KAT6B: variants seen among roughly 807,000 people sequenced by gnomAD.
KAT6B encodes lysine acetyltransferase 6B.
KAT6B carries 10 observed loss-of-function variants against 187.5 expected under a neutral mutation model. The ratio of observed to expected loss-of-function variants is 0.05; its 90% CI spans 0.03 to 0.09. The LOEUF (loss-of-function observed/expected upper bound fraction) is 0.09, where lower values mean the gene tolerates loss of function less well. Among genes scored for constraint, KAT6B ranks in the 10% least tolerant of loss-of-function variants. The pLI is 1.00. For missense variants in KAT6B, 1,952 were observed against 2,558.9 expected, an observed-to-expected ratio of 0.76 and a Z score of 5.12; for synonymous variants, 861 against 926.8, an observed-to-expected ratio of 0.93 and a Z score of 1.29.
At chr10:75,024,586 A>G (rs2134193114) in intron 16 of KAT6B, among the ~76,000 whole-genome samples, 1 of 152,374 alleles carries the variant, frequency 6.6e-6, no homozygotes, top group East Asian at 1.9e-4. Flanking sequence ...CACCATTTAT[A>G]AAGACATTAG....
chr10:74,882,211 C>G (rs1016333100), intron 3 of KAT6B, among the ~76,000 whole-genome samples: 2 of 152,188 alleles, frequency 1.3e-5, no homozygotes, highest in African/African-American at 4.8e-5. Context: ...ACCAGAGATT[C>G]CTCTTATTCT....
At position 75,029,528 on chromosome 10, in the gene KAT6B, C is replaced by G; in HGVS notation, c.4704C>G (p.Ala1568=). Residue 1568 remains alanine (A), a synonymous_variant, in exon 18 of 18, where the codon GCC becomes GCG. Coordinates refer to ENST00000287239, the MANE Select transcript of KAT6B (RefSeq NM_012330.4). The surrounding 1 kb of genome is among the most constrained non-coding windows in gnomAD (Gnocchi z 6.2). ...TFQDCAETQE[A]CRSLQNYTRA... The stretch of plus-strand genomic sequence containing the variant: ...AGGATTGTGCCGAGACTCAAGAGGC[C>G]TGTAGAAGCCTACAGAACTACACCC... 3 of 1,614,130 alleles carry G rather than the reference C, an allele frequency of 1.9e-6. No homozygotes were observed. Among genetic ancestry groups the G allele is most frequent in the Non-Finnish European group, 2.5e-6 (3 of 1,180,026 alleles).
chr10:75,010,331 A>T (rs1017145145), intron 13 of KAT6B, among the ~76,000 whole-genome samples: 4 of 152,256 alleles, frequency 2.6e-5, no homozygotes, highest in African/African-American at 7.2e-5. Context: ...GATCAGTCAG[A>T]TTAGGTGATG....
intron 17 of KAT6B, among the ~76,000 whole-genome samples, chr10:75,026,452 C>G (rs552231128): frequency 1.3e-4 from 20 of 152,184 alleles, no homozygotes; most frequent in Non-Finnish European, 2.6e-4. Flanking sequence ...CAGGCCATCT[C>G]ATTTCCCTGG....
chr10:74,884,957 A>G (rs1053040569), intron 3 of KAT6B, among the ~76,000 whole-genome samples: 1 of 152,134 alleles, frequency 6.6e-6, no homozygotes. Context: ...GCACCATCCA[A>G]TATGGTCTGG....
chr10:74,826,507 G>C (rs1414708358), upstream of KAT6B: 1 of 153,078 alleles, frequency 6.5e-6, no homozygotes, highest in African/African-American at 2.4e-5. Flanking sequence ...GTAGGCCAAC[G>C]GGTGGCCTTA....
At chr10:74,894,252 T>G (rs1845836921) in intron 3 of KAT6B, among the ~76,000 whole-genome samples, 1 of 152,138 alleles carries the variant, frequency 6.6e-6, no homozygotes, top group South Asian at 2.1e-4. Flanking sequence ...CAGCTAATTT[T>G]CGTACTTTTA....
rs993766532 is a variant in KAT6B, at chr10:75,032,180, G to A, written c.*1134G>A. ...ATCCTTGTATAAAATAGGATCCAGCGACACTCTTGTATTTATCTGTTCTCT... is the reference window on the plus strand; with the variant it reads ...ATCCTTGTATAAAATAGGATCCAGCAACACTCTTGTATTTATCTGTTCTCT... On this transcript the variant is annotated 3_prime_UTR_variant, in exon 18 of 18. Transcript: ENST00000287239. 5.1e-6 allele frequency: 1 copy of A among 194,382 alleles called. No homozygotes were observed. The highest frequency in any genetic ancestry group is 8.2e-5 in the East Asian group (1 of 12,230). The allele number at this position is 194,382 out of a possible 1,614,324, so 12.0% of individuals were successfully genotyped here. A position where few individuals can be genotyped will look rare whatever the true frequency, so the allele number is the denominator to read the frequency against.
intron 4 of KAT6B, among the ~76,000 whole-genome samples, chr10:74,969,040 C>A (rs1841678267): frequency 6.6e-6 from 1 of 152,156 alleles, no homozygotes; most frequent in Non-Finnish European, 1.5e-5. Flanking sequence ...TTAACTCTGT[C>A]TCTCAAATTC....
At chr10:74,925,291 C>G (rs992639491) in intron 3 of KAT6B, among the ~76,000 whole-genome samples, 2 of 152,188 alleles carry the variant, frequency 1.3e-5, no homozygotes, top group Admixed American at 1.3e-4. Flanking sequence ...ATCCGCCCAC[C>G]TCAGCCTCCA....
intron 3 of KAT6B, among the ~76,000 whole-genome samples, chr10:74,954,157 G>T (rs537897174): frequency 7.9e-5 from 12 of 152,276 alleles, no homozygotes; most frequent in African/African-American, 2.6e-4. Flanking sequence ...CATCCTGATG[G>T]GGCCCATCCA....
chr10:74,936,176 G>C lies in KAT6B; in HGVS notation c.622-23794G>C, dbSNP rs571389601. Among the ~76,000 whole-genome samples the C allele has an allele frequency of 1.3e-3, 205 of 152,244 alleles. 1 individual carries two copies. Among genetic ancestry groups the C allele is most frequent in the African/African-American group, 4.4e-3 (183 of 41,538 alleles). On this transcript the variant is annotated intron_variant, in intron 3 of 17. Coordinates refer to ENST00000287239, the MANE Select transcript of KAT6B (RefSeq NM_012330.4). ...CCAGCACTTTGGGAGGCCAAGGCAG[G>C]CGAATCATGAGGTCAGGAGTTTGAG...
chr10:74,993,547 A>C (rs937316551), intron 13 of KAT6B, among the ~76,000 whole-genome samples: 1 of 152,228 alleles, frequency 6.6e-6, no homozygotes, highest in Non-Finnish European at 1.5e-5. Context: ...TCAAGATATT[A>C]AAGTAATTTA....
rs77455287 is a variant in KAT6B, at chr10:74,947,951, G to A, written c.622-12019G>A. ...ATGTAAGTGCCCAGGGTGGTGCCTG[G>A]CCTAAAGCATAAGGAGATTTAGAAA... On this transcript the variant is annotated intron_variant, in intron 3 of 17. Coordinates refer to ENST00000287239, the MANE Select transcript of KAT6B (RefSeq NM_012330.4). Among the ~76,000 whole-genome samples, 603 of 152,258 alleles carry A rather than the reference G, an allele frequency of 4.0e-3. 3 individuals carry two copies. The highest frequency in any genetic ancestry group is 0.014 in the African/African-American group (575 of 41,544).
chr10:74,875,707 C>G (rs769726208), intron 3 of KAT6B, among the ~76,000 whole-genome samples: 1 of 152,200 alleles, frequency 6.6e-6, no homozygotes, highest in Non-Finnish European at 1.5e-5. Context: ...CTCAAGTGAC[C>G]TGCCCACCTC....
chr10:74,923,066 A>G (rs1848249799), intron 3 of KAT6B, among the ~76,000 whole-genome samples: 1 of 152,238 alleles, frequency 6.6e-6, no homozygotes, highest in African/African-American at 2.4e-5. Flanking sequence ...ATGTTTAGTT[A>G]GAAGGTAAGT....
intron 13 of KAT6B, among the ~76,000 whole-genome samples, chr10:74,989,954 T>G (rs1229714887): frequency 9.2e-5 from 14 of 152,052 alleles, no homozygotes; most frequent in Non-Finnish European, 1.9e-4. Context: ...CCCAGCACTT[T>G]GGGAGGCCAA....
intron 3 of KAT6B, among the ~76,000 whole-genome samples, chr10:74,883,827 G>A (rs1275533000): frequency 6.6e-6 from 1 of 152,134 alleles, no homozygotes; most frequent in Non-Finnish European, 1.5e-5. Flanking sequence ...TTTTTAAAAA[G>A]TATGTGCTTC....
At chr10:74,999,620 A>G (rs999864108) in intron 13 of KAT6B, among the ~76,000 whole-genome samples, 8 of 152,208 alleles carry the variant, frequency 5.3e-5, no homozygotes, top group African/African-American at 1.7e-4. Context: ...CACAATAATC[A>G]TCATAGCTGC....
Sources: allele counts gnomAD v4.1 joint callset (sites outside exome capture counted in the v4.1 genomes callset), GRCh38; gene constraint gnomAD v4.1.1; non-coding constraint Gnocchi (gnomAD v3.1); transcripts MANE v1.5; gene names NCBI Gene and HGNC (gene_info 2026-07-23, HGNC 2026-07-21).